The following DPP10 variants were observed in gnomAD, a reference collection of about 807,000 sequenced individuals.
DPP10 encodes the protein dipeptidyl peptidase like 10.
A neutral mutation model predicts 120.9 loss-of-function variants in DPP10; 33 were observed. The observed-to-expected ratio is 0.27, with a 90% CI of 0.21 to 0.37. The LOEUF (loss-of-function observed/expected upper bound fraction) is 0.37. DPP10 is among the 10% of genes least tolerant of loss of function. The probability of loss-of-function intolerance (pLI) is 1.00; values close to 1 mark genes in which losing one functional copy is unlikely to be tolerated. For synonymous variants in DPP10, 337 were observed against 326.1 expected, an observed-to-expected ratio of 1.03 and a Z score of -0.36; for missense variants, 816 against 942.8, an observed-to-expected ratio of 0.87 and a Z score of 1.76.
intron 1 of DPP10, among the ~76,000 whole-genome samples, chr2:114,450,728 A>G (rs1228584591): frequency 2.3e-5 from 3 of 130,706 alleles, no homozygotes; most frequent in East Asian, 2.6e-4. Context: ...TTCTGTAAGT[A>G]AAAAAAAAAA....
intron 1 of DPP10, among the ~76,000 whole-genome samples, chr2:114,887,338 C>T (rs1692159409): frequency 6.6e-6 from 1 of 152,084 alleles, no homozygotes; most frequent in Admixed American, 6.5e-5. Context: ...GAAAAAAATA[C>T]AAAACTAATC....
At chr2:114,705,091 A>C (rs1328023617) in intron 1 of DPP10, among the ~76,000 whole-genome samples, 1 of 152,154 alleles carries the variant, frequency 6.6e-6, no homozygotes, top group Non-Finnish European at 1.5e-5. Context: ...ATATGGTATT[A>C]TGTTATGGTA....
At chr2:115,687,157 C>T (rs1446285434) in intron 5 of DPP10, among the ~76,000 whole-genome samples, 1 of 151,936 alleles carries the variant, frequency 6.6e-6, no homozygotes, top group Non-Finnish European at 1.5e-5. Flanking sequence ...TTCAGTAAAG[C>T]TAAATCTAAT....
chr2:114,840,755 G>T (rs1024405405), intron 1 of DPP10, among the ~76,000 whole-genome samples: 1 of 152,048 alleles, frequency 6.6e-6, no homozygotes, highest in Non-Finnish European at 1.5e-5. Flanking sequence ...TCTTTCTGTC[G>T]CTAATCCACA....
chr2:114,646,197 AAAAG>A (rs1373497211), intron 1 of DPP10, among the ~76,000 whole-genome samples: 8 of 146,954 alleles, frequency 5.4e-5, no homozygotes, highest in African/African-American at 2.1e-4. Context: ...TAAATAAATA[AAAAG>A]GGGGAGAGGG....
intron 1 of DPP10, among the ~76,000 whole-genome samples, chr2:115,142,616 G>C (rs564597856): frequency 6.6e-6 from 1 of 152,312 alleles, no homozygotes; most frequent in Admixed American, 6.5e-5. Flanking sequence ...AGCTCTCAAA[G>C]AAAGAGAGGG....
intron 1 of DPP10, among the ~76,000 whole-genome samples, chr2:115,190,406 C>T (rs1250689225): frequency 3.3e-5 from 5 of 151,964 alleles, no homozygotes; most frequent in Admixed American, 3.3e-4. Flanking sequence ...AACTAGAGCA[C>T]AAGTGCTGCT....
At chr2:115,640,681 G>A (rs554369553) in intron 5 of DPP10, among the ~76,000 whole-genome samples, 15 of 152,196 alleles carry the variant, frequency 9.9e-5, no homozygotes, top group African/African-American at 2.6e-4. Flanking sequence ...CTATGGCAGC[G>A]CAATGTGACC....
chr2:115,134,290 T>C (rs2050533943), intron 1 of DPP10, among the ~76,000 whole-genome samples: 1 of 152,212 alleles, frequency 6.6e-6, no homozygotes, highest in Non-Finnish European at 1.5e-5. Flanking sequence ...TTCATCTATA[T>C]GTTACATGTC....
At chr2:114,779,735 A>C (rs559677592) in intron 1 of DPP10, among the ~76,000 whole-genome samples, 1 of 152,298 alleles carries the variant, frequency 6.6e-6, no homozygotes, top group African/African-American at 2.4e-5. Flanking sequence ...TAGACCCAGA[A>C]ATGCTGCCAG....
At chr2:115,427,319 G>A (rs1438396292) in intron 3 of DPP10, among the ~76,000 whole-genome samples, 1 of 152,200 alleles carries the variant, frequency 6.6e-6, no homozygotes, top group Non-Finnish European at 1.5e-5. Context: ...CACTACCCTG[G>A]TAGAGTTTCT....
chr2:115,691,255 G>A (rs1389124191), intron 7 of DPP10, among the ~76,000 whole-genome samples: 1 of 151,774 alleles, frequency 6.6e-6, no homozygotes. Flanking sequence ...TATAAATGTA[G>A]TCTGATTTAT....
At chr2:115,729,599 TC>T (rs1559082592) in intron 8 of DPP10, among the ~76,000 whole-genome samples, 1 of 152,106 alleles carries the variant, frequency 6.6e-6, no homozygotes, top group African/African-American at 2.4e-5. Flanking sequence ...GGTTTTCATT[TC>T]TACTAAAAAA....
At chr2:114,505,878 A>G (rs867270387) in intron 1 of DPP10, among the ~76,000 whole-genome samples, 2 of 152,184 alleles carry the variant, frequency 1.3e-5, no homozygotes, top group Non-Finnish European at 2.9e-5. Flanking sequence ...TGACGAGTTC[A>G]TGCATGTTAG....
chr2:115,046,647 C>T (rs1009241085), intron 1 of DPP10, among the ~76,000 whole-genome samples: 2 of 152,024 alleles, frequency 1.3e-5, no homozygotes, highest in Admixed American at 6.6e-5. Flanking sequence ...ATATAGGGGA[C>T]ATCTGGAAAA....
chr2:114,768,347 G>T (rs778349200), intron 1 of DPP10, among the ~76,000 whole-genome samples: 4 of 152,100 alleles, frequency 2.6e-5, no homozygotes, highest in Non-Finnish European at 5.9e-5. Flanking sequence ...GGTGAGTAAA[G>T]AAATTGGCAA....
chr2:115,383,688 T>C (rs1452721854), intron 3 of DPP10, among the ~76,000 whole-genome samples: 1 of 152,172 alleles, frequency 6.6e-6, no homozygotes, highest in Non-Finnish European at 1.5e-5. Flanking sequence ...TTTAAATATA[T>C]TTAATAATTT....
chr2:115,247,093 G>A (rs1252207434), intron 1 of DPP10, among the ~76,000 whole-genome samples: 1 of 152,132 alleles, frequency 6.6e-6, no homozygotes, highest in African/African-American at 2.4e-5. Flanking sequence ...TATTAGGGAT[G>A]AGTGACTACA....
chr2:115,811,408 T>C (rs1426887935), intron 19 of DPP10, among the ~76,000 whole-genome samples: 1 of 152,196 alleles, frequency 6.6e-6, no homozygotes, highest in Non-Finnish European at 1.5e-5. Context: ...GAGTAAAGGA[T>C]TGAAGGATTT....
Sources: gnomAD v4.1 joint callset for allele counts (sites outside exome capture counted in the v4.1 genomes callset) on GRCh38, gnomAD v4.1.1 for gene constraint, MANE v1.5 for transcripts, NCBI Gene and HGNC (gene_info 2026-07-23, HGNC 2026-07-21) for gene names.